The following ACYP2 variants were observed in gnomAD, a reference collection of about 807,000 sequenced individuals.
ACYP2 encodes the protein acylphosphatase-2.
In ACYP2, 12 loss-of-function variants were observed where a neutral mutation model predicts 11.2. The observed-to-expected ratio is 1.08, with a 90% CI of 0.69 to 1.74. ACYP2 has a LOEUF of 1.74. Ranked by LOEUF, ACYP2 falls within the 40% of genes most tolerant of loss-of-function variation. ACYP2 has a pLI of 0.00. For synonymous variants in ACYP2, 43 were observed against 32.2 expected (o/e 1.33, Z -1.13); for missense variants, 134 against 101.9 (o/e 1.31, Z -1.35).
intron 6 of ACYP2, among the ~76,000 whole-genome samples, chr2:54,266,952 G>A (rs1688058665): frequency 6.6e-6 from 1 of 152,028 alleles, no homozygotes; most frequent in Admixed American, 6.6e-5. Context: ...ATAGGAAATG[G>A]CGAGGCGAAG....
intron 4 of ACYP2, among the ~76,000 whole-genome samples, chr2:54,075,380 T>A (rs1442238651): frequency 6.6e-6 from 1 of 151,996 alleles, no homozygotes; most frequent in Non-Finnish European, 1.5e-5. Flanking sequence ...ATGCCTGTAA[T>A]CCCAGCTACT....
rs967299795 is a variant in ACYP2, at chr2:54,230,732, T to C, written c.405-73956T>C. ...CAAGTCTTTAGACAAACTCCACCAA[T>C]TGTCAACCAGAAGATGTTGGAATTT... On this transcript the variant is annotated intron_variant, in intron 6 of 6. Transcript: ENST00000607452. Among the ~76,000 whole-genome samples, 37 of 151,474 alleles carry C rather than the reference T, an allele frequency of 2.4e-4. 7 individuals are homozygous for C. The highest frequency in any genetic ancestry group is 2.0e-3 in the Admixed American group (31 of 15,262).
At chr2:54,178,668 T>C (rs752815341) in intron 6 of ACYP2, among the ~76,000 whole-genome samples, 8 of 152,222 alleles carry the variant, frequency 5.3e-5, no homozygotes, top group Non-Finnish European at 8.8e-5. Flanking sequence ...CCTTGTGTAC[T>C]TGTAATTCTA....
At chr2:54,266,306 G>A (rs1255927955) in intron 6 of ACYP2, among the ~76,000 whole-genome samples, 1 of 152,126 alleles carries the variant, frequency 6.6e-6, no homozygotes, top group South Asian at 2.1e-4. Context: ...ACATGCCCAT[G>A]CCCTTTCAAA....
chr2:54,298,025 G>C (rs1049973140), intron 6 of ACYP2, among the ~76,000 whole-genome samples: 20 of 152,142 alleles, frequency 1.3e-4, no homozygotes, highest in Non-Finnish European at 2.6e-4. Flanking sequence ...TGAGGTGGCG[G>C]TATAGGGACT....
chr2:54,201,618 T>TTC lies in ACYP2; in HGVS notation c.404+62872_404+62873dup, dbSNP rs1180243507. ...TCTCTTTCTTTCTTTCTTTCTTTCT[T>TTC]TCTTTGTTTCTTTCTTTCTCTTTCT... On this transcript the variant is annotated intron_variant, in intron 6 of 6. Transcript: ENST00000607452. 1.9e-3 allele frequency among the ~76,000 whole-genome samples: 190 copies of TTC among 102,064 alleles called. 4 individuals carry two copies. In the East Asian group the frequency reaches 0.026, roughly 14 times the overall value. The allele number at this position is 102,064 out of a possible 152,430, so 67.0% of individuals were successfully genotyped here.
intron 6 of ACYP2, among the ~76,000 whole-genome samples, chr2:54,193,100 T>C (rs1558601608): frequency 6.6e-6 from 1 of 152,224 alleles, no homozygotes; most frequent in Non-Finnish European, 1.5e-5. Flanking sequence ...ACCTTTCACA[T>C]AATGCTACAC....
chr2:54,037,003 C>A (rs537418675), intron 2 of ACYP2, among the ~76,000 whole-genome samples: 82 of 152,262 alleles, frequency 5.4e-4, no homozygotes, highest in African/African-American at 1.7e-3. Context: ...GTAATGTTGT[C>A]CCTAATTAAT....
At chr2:54,235,894 T>C (rs1455753760) in intron 6 of ACYP2, among the ~76,000 whole-genome samples, 1 of 152,178 alleles carries the variant, frequency 6.6e-6, no homozygotes, top group African/African-American at 2.4e-5. Flanking sequence ...ACGTTTCCTC[T>C]TTTATTTCTG....
intron 6 of ACYP2, among the ~76,000 whole-genome samples, chr2:54,244,580 C>T (rs1686870380): frequency 6.6e-6 from 1 of 152,160 alleles, no homozygotes; most frequent in Non-Finnish European, 1.5e-5. Context: ...AGATCTATTT[C>T]TGAATTTCCT....
intron 4 of ACYP2, among the ~76,000 whole-genome samples, chr2:54,061,846 G>A (rs1676486072): frequency 6.6e-6 from 1 of 152,096 alleles, no homozygotes; most frequent in African/African-American, 2.4e-5. Flanking sequence ...GGGCAAGGTG[G>A]GAGGATTGCT....
chr2:54,019,063 A>G (rs1346170341), intron 2 of ACYP2, among the ~76,000 whole-genome samples: 1 of 149,446 alleles, frequency 6.7e-6, no homozygotes, highest in Non-Finnish European at 1.5e-5. Flanking sequence ...TATTATTATT[A>G]TTATTATGTT....
chr2:54,169,887 C>T (rs1683154307), intron 6 of ACYP2, among the ~76,000 whole-genome samples: 1 of 152,082 alleles, frequency 6.6e-6, no homozygotes, highest in Admixed American at 6.6e-5. Flanking sequence ...TTGAGTATTC[C>T]TCCTAATTTC....
chr2:54,257,368 T>C (rs1281522898), intron 6 of ACYP2, among the ~76,000 whole-genome samples: 1 of 152,208 alleles, frequency 6.6e-6, no homozygotes, highest in Non-Finnish European at 1.5e-5. Context: ...GAAAAGACAA[T>C]TCTTTCCCCA....
intron 4 of ACYP2, among the ~76,000 whole-genome samples, chr2:54,134,935 A>G (rs944545135): frequency 6.6e-6 from 1 of 152,256 alleles, no homozygotes; most frequent in Non-Finnish European, 1.5e-5. Flanking sequence ...CATGGACAGA[A>G]GATTGTTTTT....
chr2:54,194,325 C>T (rs1489624337), intron 6 of ACYP2, among the ~76,000 whole-genome samples: 1 of 152,182 alleles, frequency 6.6e-6, no homozygotes, highest in East Asian at 1.9e-4. Context: ...CAGGCATGAG[C>T]CACCGCGCCC....
At chr2:54,088,053 C>G (rs1427890262) in intron 4 of ACYP2, among the ~76,000 whole-genome samples, 2 of 152,158 alleles carry the variant, frequency 1.3e-5, no homozygotes, top group East Asian at 3.9e-4. Context: ...ATTCTTTGGA[C>G]AGTTTAATAC....
chr2:54,006,438 C>T (rs370309390), intron 2 of ACYP2, among the ~76,000 whole-genome samples: 3 of 152,068 alleles, frequency 2.0e-5, no homozygotes, highest in Non-Finnish European at 2.9e-5. Context: ...TGAGCCACCG[C>T]GCCCGGCCTC....
chr2:54,008,861 A>G (rs939121218), intron 2 of ACYP2, among the ~76,000 whole-genome samples: 1 of 152,052 alleles, frequency 6.6e-6, no homozygotes, highest in Non-Finnish European at 1.5e-5. Context: ...TCAAAAAAAT[A>G]TTTCAGGCAG....
Sources: gnomAD v4.1 joint callset for allele counts (sites outside exome capture counted in the v4.1 genomes callset) on GRCh38, gnomAD v4.1.1 for gene constraint, MANE v1.5 for transcripts, NCBI Gene and HGNC (gene_info 2026-07-23, HGNC 2026-07-21) for gene names.